Variants in NALF2 observed in about 807,000 individuals in gnomAD.
NALF2 encodes the protein bB57D9.1 (TED protein).
A neutral mutation model predicts 24.8 loss-of-function variants in NALF2; 1 was observed. The ratio of observed to expected loss-of-function variants is 0.04; its 90% CI spans 0.01 to 0.19. NALF2 has a LOEUF of 0.19. Among genes scored for constraint, NALF2 ranks in the 10% least tolerant of loss-of-function variants. The pLI is 1.00. For missense variants in NALF2, 458 were observed against 409.6 expected, an observed-to-expected ratio of 1.12 and a Z score of -1.02; for synonymous variants, 254 against 189.8, an observed-to-expected ratio of 1.34 and a Z score of -2.78.
chrX:69,530,075 G>T lies in NALF2; in HGVS notation c.*119G>T. The T allele has an allele frequency of 1.9e-6, 1 of 529,878 alleles. No homozygotes were observed. Among genetic ancestry groups the T allele is most frequent in the Non-Finnish European group, 3.0e-6 (1 of 338,721 alleles). The allele number at this position is 529,878 out of a possible 1,213,427, so 43.7% of individuals were successfully genotyped here. On this transcript the variant is annotated 3_prime_UTR_variant, in exon 3 of 3. Transcript: ENST00000252338. The stretch of plus-strand genomic sequence containing the variant: ...GATAAGGTGGGGGCGGGGGAAATGG[G>T]GGAATGACACATCCCCCCCAACCTA...
At chrX:69,519,283 A>C (rs1019869755) in intron 1 of NALF2, among the ~76,000 whole-genome samples, 1 of 111,438 alleles carries the variant, frequency 9.0e-6, no homozygotes, top group African/African-American at 3.3e-5. Context: ...TAGTTGCTAG[A>C]GGTTTGGTTT....
At chrX:69,522,725 C>T (rs182592466) in intron 1 of NALF2, among the ~76,000 whole-genome samples, 69 of 111,976 alleles carry the variant, frequency 6.2e-4, no homozygotes, top group African/African-American at 2.2e-3. Context: ...TTGACCTAAC[C>T]CTGTTCTGAT....
intron 1 of NALF2, among the ~76,000 whole-genome samples, chrX:69,517,697 A>G (rs959498020): frequency 9.0e-6 from 1 of 111,671 alleles, no homozygotes; most frequent in African/African-American, 3.3e-5. Flanking sequence ...AAGTGGAGGG[A>G]TTCTAGTGAG....
chrX:69,527,404 T>C (rs7887530), intron 1 of NALF2, among the ~76,000 whole-genome samples: 6,460 of 111,602 alleles, frequency 0.058, 469 homozygotes, highest in African/African-American at 0.2. Flanking sequence ...TGGGATTGCA[T>C]TGCCAAAGTC....
chrX:69,522,590 CCCTATTATCCA>C (rs1331359962), intron 1 of NALF2, among the ~76,000 whole-genome samples: 2 of 112,319 alleles, frequency 1.8e-5, no homozygotes, highest in Non-Finnish European at 3.8e-5. Flanking sequence ...TTAAGTAGAA[CCCTATTATCCA>C]CCTGGATTTG....
At chrX:69,525,526 C>T (rs1172808700) in intron 1 of NALF2, among the ~76,000 whole-genome samples, 1 of 109,808 alleles carries the variant, frequency 9.1e-6, no homozygotes, top group Non-Finnish European at 1.9e-5. Flanking sequence ...TCTCTTATTC[C>T]TCTTTCTTAG....
intron 1 of NALF2, among the ~76,000 whole-genome samples, chrX:69,509,286 C>G (rs984925277): frequency 9.1e-6 from 1 of 109,823 alleles, no homozygotes; most frequent in Non-Finnish European, 1.9e-5. Context: ...ACTCTCTTGG[C>G]CATAGCTAGG....
intron 1 of NALF2, among the ~76,000 whole-genome samples, chrX:69,506,405 A>G (rs781122664): frequency 3.6e-5 from 4 of 112,385 alleles, no homozygotes; most frequent in Non-Finnish European, 7.5e-5. Flanking sequence ...CTGCTCCCTC[A>G]TGAGTGGGGA....
At chrX:69,516,250 A>G (rs1318373358) in intron 1 of NALF2, among the ~76,000 whole-genome samples, 2 of 111,594 alleles carry the variant, frequency 1.8e-5, no homozygotes, top group Admixed American at 9.5e-5. Context: ...CTGTCTTCCC[A>G]CTGTATTTGA....
In NALF2 at chrX:69,505,678, G is replaced by A; in HGVS notation, c.396G>A (p.Pro132=). ...CCGCCCCCGCCGCCGGCTCTCGGCC[G>A]GTCTGCGGCGGCGTCCCAGAGCCCA... is the stretch of plus-strand genomic sequence containing the variant. ...TKAAPAAGSR[P]VCGGVPEPTG... is the part of the protein sequence containing the mutation. Residue 132 remains proline, a synonymous_variant, in exon 1 of 3, where the codon CCG becomes CCA. Transcript: ENST00000252338. The A allele has an allele frequency of 8.3e-7, 1 of 1,207,462 alleles. No homozygotes were observed. The highest frequency in any genetic ancestry group is 1.1e-6 in the Non-Finnish European group (1 of 894,063).
intron 1 of NALF2, among the ~76,000 whole-genome samples, chrX:69,514,086 G>A (rs1396441272): frequency 9.1e-6 from 1 of 110,116 alleles, no homozygotes; most frequent in African/African-American, 3.3e-5. Context: ...CCAGCTACTC[G>A]GGGTGAGACA....
chrX:69,512,201 G>A (rs918934359), intron 1 of NALF2, among the ~76,000 whole-genome samples: 7 of 112,115 alleles, frequency 6.2e-5, no homozygotes, highest in Non-Finnish European at 1.3e-4. Context: ...GGTCTCTGGG[G>A]AATGGGTATG....
intron 1 of NALF2, among the ~76,000 whole-genome samples, chrX:69,518,957 C>T (rs773010847): frequency 2.0e-4 from 22 of 112,308 alleles, no homozygotes; most frequent in Non-Finnish European, 3.9e-4. Flanking sequence ...TTAAGATACA[C>T]ACATGCTTCC....
intron 1 of NALF2, among the ~76,000 whole-genome samples, chrX:69,514,526 A>G (rs1930636369): frequency 9.0e-6 from 1 of 111,493 alleles, no homozygotes; most frequent in African/African-American, 3.3e-5. Context: ...TGCTATGAAC[A>G]TTGGTGTACA....
intron 1 of NALF2, among the ~76,000 whole-genome samples, chrX:69,509,017 C>T (rs1422269035): frequency 1.8e-5 from 2 of 112,684 alleles, no homozygotes; most frequent in Non-Finnish European, 3.8e-5. Context: ...TTTGCAATAT[C>T]TGCCCCCGTT....
intron 1 of NALF2, among the ~76,000 whole-genome samples, chrX:69,520,697 C>T (rs1486817679): frequency 1.8e-5 from 2 of 111,875 alleles, no homozygotes; most frequent in Non-Finnish European, 3.8e-5. Context: ...TCCTATTTTC[C>T]CTGACTTAAT....
chrX:69,520,813 C>T (rs1192528042), intron 1 of NALF2, among the ~76,000 whole-genome samples: 1 of 111,739 alleles, frequency 8.9e-6, no homozygotes, highest in Non-Finnish European at 1.9e-5. Flanking sequence ...GGTGATTCTA[C>T]CTCTTTAACA....
intron 1 of NALF2, among the ~76,000 whole-genome samples, chrX:69,518,252 G>A (rs769668746): frequency 2.7e-5 from 3 of 112,340 alleles, no homozygotes; most frequent in African/African-American, 9.7e-5. Flanking sequence ...CAGCAGGGCA[G>A]TGTGGGCTGA....
At position 69,530,334 on chromosome X, in the gene NALF2, G is replaced by A. The variant is rs973604414; in HGVS notation, c.*378G>A. ...TTGGCCCTGCAGGGAATGTTGGGGG[G>A]CACAGAGGGGAGAAGCTCTTTCCCC... is the stretch of plus-strand genomic sequence containing the variant. On this transcript the variant is annotated 3_prime_UTR_variant, in exon 3 of 3. Coordinates refer to ENST00000252338, the MANE Select transcript of NALF2 (RefSeq NM_015686.3). 5.5e-5 allele frequency: 9 copies of A among 165,054 alleles called. No homozygotes were observed. Among genetic ancestry groups the A allele is most frequent in the Admixed American group, 3.0e-4 (4 of 13,506 alleles). 13.6% of individuals were successfully genotyped at this position (165,054 alleles called of 1,213,427 possible). A position where few individuals can be genotyped will look rare whatever the true frequency, so the allele number is the denominator to read the frequency against.
Sources: gnomAD v4.1 joint callset for allele counts (sites outside exome capture counted in the v4.1 genomes callset) on GRCh38, gnomAD v4.1.1 for gene constraint, MANE v1.5 for transcripts, NCBI Gene and HGNC (gene_info 2026-07-23, HGNC 2026-07-21) for gene names.